The following MTX3 variants were observed in gnomAD, a reference collection of about 807,000 sequenced individuals.
The protein encoded by MTX3 is metaxin-3.
MTX3 carries 27 observed loss-of-function variants against 42.5 expected under a neutral mutation model. The ratio of observed to expected loss-of-function variants is 0.64; its 90% CI spans 0.47 to 0.88. MTX3 has a LOEUF of 0.88. MTX3 is among the 40% of genes least tolerant of loss of function. The pLI, the probability that MTX3 is intolerant of heterozygous loss-of-function variation, is 0.00. For missense variants in MTX3, 378 were observed against 367.0 expected, an observed-to-expected ratio of 1.03 and a Z score of -0.25; for synonymous variants, 144 against 132.9, an observed-to-expected ratio of 1.08 and a Z score of -0.57.
At chr5:79,985,749 C>G in intron 7 of MTX3, 90 bp from the exon 8 acceptor site, 1 of 839,520 alleles carries the variant, frequency 1.2e-6, no homozygotes, top group Non-Finnish European at 1.9e-6. Context: ...AGTCTACCCA[C>G]CCTGTCCAGT....
At chr5:79,986,032 C>A (rs1220839942) in intron 7 of MTX3, among the ~76,000 whole-genome samples, 1 of 151,162 alleles carries the variant, frequency 6.6e-6, no homozygotes, top group Non-Finnish European at 1.5e-5. Context: ...TCACAACTAT[C>A]TGGATAGTTT....
intron 3 of MTX3, 75 bp downstream of exon 3, chr5:79,990,085 T>A (rs1211871977): frequency 6.8e-6 from 6 of 883,266 alleles, no homozygotes; most frequent in African/African-American, 1.8e-5. Flanking sequence ...CAAAAAAAAA[T>A]AAATAAATAA....
chr5:79,980,218 G>A lies in MTX3; in HGVS notation c.*3466C>T, dbSNP rs1226976667. The A allele has an allele frequency of 6.6e-6, 1 of 152,104 alleles. No individual in the cohort carries two copies. Among genetic ancestry groups the A allele is most frequent in the Non-Finnish European group, 1.5e-5 (1 of 68,008 alleles). 9.4% of individuals were successfully genotyped at this position (152,104 alleles called of 1,614,324 possible). ...AGTTCAAGTACCACTTTTATCACAT[G>A]CAGCTGCCTTAACCAACAGGTTTTC... On this transcript the variant is annotated 3_prime_UTR_variant, in exon 9 of 9. Transcript: ENST00000512528.
At chr5:79,987,836 A>T (rs1167297830) in intron 6 of MTX3, among the ~76,000 whole-genome samples, 1 of 152,138 alleles carries the variant, frequency 6.6e-6, no homozygotes, top group Non-Finnish European at 1.5e-5. Flanking sequence ...GTTTTTTGAC[A>T]TGGAGTTTCA....
intron 8 of MTX3, among the ~76,000 whole-genome samples, chr5:79,984,631 A>G (rs1831448369): frequency 6.6e-6 from 1 of 152,066 alleles, no homozygotes; most frequent in South Asian, 2.1e-4. Flanking sequence ...AGGAAAAAAA[A>G]AAAAAGCAAG....
rs982626915 is a variant in MTX3, at chr5:79,977,080, T to C, written c.*6604A>G. 1 of 152,212 alleles carries C rather than the reference T, an allele frequency of 6.6e-6. No individual in the cohort carries two copies. Among genetic ancestry groups the C allele is most frequent in the Non-Finnish European group, 1.5e-5 (1 of 68,030 alleles). The allele number at this position is 152,212 out of a possible 1,614,324, so 9.4% of individuals were successfully genotyped here. ...CTTTACTGTCAATCTTTCAGAACAG[T>C]AACATGACATTACAAACACCTCAAA... On this transcript the variant is annotated 3_prime_UTR_variant, in exon 9 of 9. Coordinates refer to ENST00000512528, the MANE Select transcript of MTX3 (RefSeq NM_001363818.2).
In MTX3 at chr5:79,983,759, A is replaced by G; in HGVS notation, c.864T>C (p.Pro288=). The stretch of plus-strand genomic sequence containing the variant: ...ATTTAAGTGTTGGCAGTTTCCGAGG[A>G]GGAAGCTGAGGGCTTTGGCGAAGAT... The part of the protein sequence containing the change: ...DDNLRQSPQL[P]PRKLPTLKLT... The change falls in exon 9 of 9, where the codon CCT becomes CCC. Residue 288 remains proline, a synonymous_variant. Coordinates refer to ENST00000512528, the MANE Select transcript of MTX3 (RefSeq NM_001363818.2). 1 of 1,613,826 alleles carries G rather than the reference A, an allele frequency of 6.2e-7. No individual in the cohort carries two copies. The highest frequency in any genetic ancestry group is 8.5e-7 in the Non-Finnish European group (1 of 1,179,754).
At chr5:79,984,653 C>A (rs1831448797) in intron 8 of MTX3, among the ~76,000 whole-genome samples, 1 of 150,082 alleles carries the variant, frequency 6.7e-6, no homozygotes. Flanking sequence ...TTATCAGTTA[C>A]AGGGGAAAAA....
intron 6 of MTX3, 67 bp downstream of exon 6, chr5:79,988,172 C>A: frequency 1.1e-6 from 1 of 918,868 alleles, no homozygotes; most frequent in Non-Finnish European, 1.7e-6. Flanking sequence ...AGAGGACTTG[C>A]TTTAAATAGC....
rs1171003489 is a variant in MTX3, at chr5:79,988,098, T to G, written c.581+141A>C. On this transcript the variant is annotated intron_variant, in intron 6 of 8. Transcript: ENST00000512528. Reference sequence around the variant, plus strand: ...TCCCAAAGTGCTGTGATTACAGGTATGAGCCACCACACCGGCCTAAATCTT... The same window carrying G: ...TCCCAAAGTGCTGTGATTACAGGTAGGAGCCACCACACCGGCCTAAATCTT... 3 of 633,980 alleles carry G rather than the reference T, an allele frequency of 4.7e-6. No homozygotes were observed. The East Asian group carries it at 8.4e-5, about 18-fold the overall frequency. 39.3% of individuals were successfully genotyped at this position (633,980 alleles called of 1,614,324 possible).
intron 2 of MTX3, 97 bp from the exon 3 acceptor site, chr5:79,990,333 G>T: frequency 1.2e-6 from 1 of 825,158 alleles, no homozygotes; most frequent in Non-Finnish European, 1.9e-6. Context: ...CATTTAGAGG[G>T]GAAAAAATGA....
intron 7 of MTX3, among the ~76,000 whole-genome samples, chr5:79,986,291 C>G (rs1438299567): frequency 6.6e-6 from 1 of 152,110 alleles, no homozygotes; most frequent in Non-Finnish European, 1.5e-5. Flanking sequence ...GAATACATAA[C>G]CCACCAAAAA....
intron 6 of MTX3, 40 bp downstream of exon 6, chr5:79,988,199 G>T: frequency 1.8e-6 from 2 of 1,139,152 alleles, no homozygotes; most frequent in South Asian, 1.3e-5. Flanking sequence ...CTGAATATAT[G>T]TGCACAAAAT....
chr5:79,985,857 C>T (rs1580885737), intron 7 of MTX3, among the ~76,000 whole-genome samples, 198 bp from the exon 8 acceptor site: 1 of 150,052 alleles, frequency 6.7e-6, no homozygotes, highest in African/African-American at 2.4e-5. Flanking sequence ...CTGAGCAAAA[C>T]GGACAAAAAT....
Position 79,983,487 on chromosome 5 carries a change from T to TTGA in MTX3, c.*196_*197insTCA, listed in dbSNP as rs3841613. The TTGA allele has an allele frequency of 0.61, 304,378 of 500,860 alleles. 93,737 individuals are homozygous for TTGA. Among genetic ancestry groups the TTGA allele is most frequent in the South Asian group, 0.66 (31,619 of 48,032 alleles). The allele number at this position is 500,860 out of a possible 1,614,324, so 31.0% of individuals were successfully genotyped here. A position where few individuals can be genotyped will look rare whatever the true frequency, so the allele number is the denominator to read the frequency against. ...CAACCAAGTTCATTTAGCATTCTCTTTGTTATTAAAAATGCAGTGCCAAGC... is the reference window on the plus strand; with the variant it reads ...CAACCAAGTTCATTTAGCATTCTCTTTGATGTTATTAAAAATGCAGTGCCAAGC... On this transcript the variant is annotated 3_prime_UTR_variant, in exon 9 of 9. Coordinates refer to ENST00000512528, the MANE Select transcript of MTX3 (RefSeq NM_001363818.2).
In MTX3 at chr5:79,980,859, C is replaced by G. The variant is rs1831356688; in HGVS notation, c.*2825G>C. ...GTTCAGTCTGAAAAAATGTTCTGTGCTCTGTTCAGATTGACAAAATGTTCT... is the reference window on the plus strand; with the variant it reads ...GTTCAGTCTGAAAAAATGTTCTGTGGTCTGTTCAGATTGACAAAATGTTCT... On this transcript the variant is annotated 3_prime_UTR_variant, in exon 9 of 9. Transcript: ENST00000512528. 6.6e-6 allele frequency: 1 copy of G among 152,198 alleles called. No individual in the cohort carries two copies. The highest frequency in any genetic ancestry group is 1.5e-5 in the Non-Finnish European group (1 of 68,064). The allele number at this position is 152,198 out of a possible 1,614,324, so 9.4% of individuals were successfully genotyped here. A position where few individuals can be genotyped will look rare whatever the true frequency, so the allele number is the denominator to read the frequency against.
Position 79,987,023 on chromosome 5 carries a change from A to C in MTX3, c.666T>G (p.His222Gln). ...GACAGAGGTTGGAGAGCTGTTTCAG[A>C]TGTTCTTGTAGCTGAACTTTAGGAA... is the stretch of plus-strand genomic sequence containing the variant. ...VRFPKVQLQEHLKQLSNLCRF... is the reference protein window; with the variant it reads ...VRFPKVQLQEQLKQLSNLCRF... The change falls in exon 7 of 9, where the codon CAT becomes CAG. Residue 222 changes from histidine to glutamine, a missense_variant. His to Gln is a conservative substitution (Grantham distance 24). Transcript: ENST00000512528. The C allele has an allele frequency of 1.2e-6, 2 of 1,614,010 alleles. No homozygotes were observed. Among genetic ancestry groups the C allele is most frequent in the Non-Finnish European group, 1.7e-6 (2 of 1,179,864 alleles).
rs1456734019 is a variant in MTX3 at position 79,979,472 on chromosome 5, G to A, written c.*4212C>T. The A allele has an allele frequency of 6.6e-6, 1 of 152,160 alleles. No individual in the cohort carries two copies. Among genetic ancestry groups the A allele is most frequent in the Non-Finnish European group, 1.5e-5 (1 of 68,032 alleles). 9.4% of individuals were successfully genotyped at this position (152,160 alleles called of 1,614,324 possible). ...CATTACCACCCAAATTATCTCTGTT[G>A]CTCAGGATTTCAGTTATAAAAATAG... On this transcript the variant is annotated 3_prime_UTR_variant, in exon 9 of 9. Coordinates refer to ENST00000512528, the MANE Select transcript of MTX3 (RefSeq NM_001363818.2).
In MTX3 at chr5:79,979,434, T is replaced by C. The variant is rs1057369631; in HGVS notation, c.*4250A>G. 3 of 152,182 alleles carry C rather than the reference T, an allele frequency of 2.0e-5. No individual in the cohort carries two copies. The highest frequency in any genetic ancestry group is 1.3e-4 in the Admixed American group (2 of 15,284). 9.4% of individuals were successfully genotyped at this position (152,182 alleles called of 1,614,324 possible). A position where few individuals can be genotyped will look rare whatever the true frequency, so the allele number is the denominator to read the frequency against. ...AATATTTCTTAACATCAAGAACATA[T>C]ACAAAAGATGATCATTACCACCCAA... On this transcript the variant is annotated 3_prime_UTR_variant, in exon 9 of 9. Coordinates refer to ENST00000512528, the MANE Select transcript of MTX3 (RefSeq NM_001363818.2).
Sources: allele counts gnomAD v4.1 joint callset (sites outside exome capture counted in the v4.1 genomes callset), GRCh38; gene constraint gnomAD v4.1.1; transcripts MANE v1.5; gene names NCBI Gene and HGNC (gene_info 2026-07-23, HGNC 2026-07-21).